The following GRIN2A variants were observed in gnomAD, a reference collection of about 807,000 sequenced individuals.
GRIN2A encodes glutamate ionotropic receptor NMDA type subunit 2A.
In GRIN2A, 22 loss-of-function variants were observed where a neutral mutation model predicts 113.4. That is an observed-to-expected ratio of 0.19 (90% confidence interval 0.14 to 0.28). The LOEUF (loss-of-function observed/expected upper bound fraction) is 0.28, where lower values mean the gene tolerates loss of function less well. Ranked by LOEUF, GRIN2A falls within the 10% of genes least tolerant of loss-of-function variation. The probability of loss-of-function intolerance (pLI) is 1.00; values close to 1 mark genes in which losing one functional copy is unlikely to be tolerated. For missense variants in GRIN2A, 1,502 were observed against 1,887.0 expected, an observed-to-expected ratio of 0.80 and a Z score of 3.78; for synonymous variants, 827 against 738.4, an observed-to-expected ratio of 1.12 and a Z score of -1.94.
At chr16:9,994,876 T>A (rs1162369241) in intron 2 of GRIN2A, among the ~76,000 whole-genome samples, 2 of 152,166 alleles carry the variant, frequency 1.3e-5, no homozygotes. Flanking sequence ...TGATGGTGAA[T>A]AAGCAAACAA....
intron 2 of GRIN2A, among the ~76,000 whole-genome samples, chr16:9,969,820 C>G (rs530747935): frequency 1.3e-4 from 20 of 152,342 alleles, no homozygotes; most frequent in South Asian, 2.1e-4. Flanking sequence ...TCCCTATTCA[C>G]AAATAATTAT....
chr16:9,990,559 G>GCACACACA (rs1374648465), intron 2 of GRIN2A, among the ~76,000 whole-genome samples: 5 of 94,644 alleles, frequency 5.3e-5, no homozygotes, highest in African/African-American at 1.7e-4. Context: ...GCGCGCGCGC[G>GCACACACA]CGCGCACACA....
intron 2 of GRIN2A, among the ~76,000 whole-genome samples, chr16:9,974,488 C>T (rs1274012195): frequency 2.0e-5 from 3 of 152,172 alleles, no homozygotes; most frequent in South Asian, 2.1e-4. Flanking sequence ...GACCCTCTCA[C>T]GTGGACCCCC....
At chr16:10,161,020 G>A (rs919983699) in intron 2 of GRIN2A, among the ~76,000 whole-genome samples, 1 of 152,208 alleles carries the variant, frequency 6.6e-6, no homozygotes, top group Non-Finnish European at 1.5e-5. Flanking sequence ...ACTTCCTAGA[G>A]CATTGCTTTT....
intron 2 of GRIN2A, among the ~76,000 whole-genome samples, chr16:9,950,083 G>T (rs1486873221): frequency 2.0e-5 from 3 of 152,142 alleles, no homozygotes; most frequent in Non-Finnish European, 2.9e-5. Flanking sequence ...CTTGTTACTT[G>T]CTCTCTAGGA....
intron 2 of GRIN2A, among the ~76,000 whole-genome samples, chr16:9,991,106 A>T (rs1476282470): frequency 6.6e-6 from 1 of 152,200 alleles, no homozygotes; most frequent in African/African-American, 2.4e-5. Flanking sequence ...TAATTCTAAG[A>T]TGCCGATGTC....
chr16:9,795,580 C>G (rs1902931229), intron 11 of GRIN2A, among the ~76,000 whole-genome samples: 2 of 152,182 alleles, frequency 1.3e-5, no homozygotes, highest in Non-Finnish European at 2.9e-5. Flanking sequence ...CTCTTGAGGT[C>G]TGCATTGGGA....
At chr16:9,944,943 G>C (rs116933821) in intron 2 of GRIN2A, among the ~76,000 whole-genome samples, 3 of 152,236 alleles carry the variant, frequency 2.0e-5, no homozygotes, top group Non-Finnish European at 4.4e-5. Context: ...TGAATCTAGG[G>C]AAGGAGGCTA....
chr16:10,126,430 G>C lies in GRIN2A; in HGVS notation c.414+53568C>G, dbSNP rs182125141. Among the ~76,000 whole-genome samples the C allele has an allele frequency of 1.4e-3, 217 of 152,202 alleles. 1 individual carries two copies. Among genetic ancestry groups the C allele is most frequent in the Admixed American group, 5.7e-3 (87 of 15,276 alleles). On this transcript the variant is annotated intron_variant, in intron 2 of 12. Transcript: ENST00000330684. ...AACACTCCTGCCACTGCCTCCCAAA[G>C]CACTAGAAATAGAGGCAAGAGCCAG...
At chr16:10,089,632 G>C (rs9925775) in intron 2 of GRIN2A, among the ~76,000 whole-genome samples, 3,999 of 152,244 alleles carry the variant, frequency 0.026, 164 homozygotes, top group African/African-American at 0.09. Flanking sequence ...GTTTCAGACA[G>C]AAGAGGCAAC....
intron 11 of GRIN2A, among the ~76,000 whole-genome samples, chr16:9,789,582 A>G (rs1423660066): frequency 6.6e-6 from 1 of 151,726 alleles, no homozygotes; most frequent in African/African-American, 2.4e-5. Flanking sequence ...ACACACACAC[A>G]CACACACAAA....
chr16:9,902,452 A>G (rs755512176), intron 3 of GRIN2A, among the ~76,000 whole-genome samples: 28 of 152,348 alleles, frequency 1.8e-4, no homozygotes, highest in Admixed American at 7.8e-4. Context: ...ACACTGTGGA[A>G]TACCACACCA....
intron 2 of GRIN2A, among the ~76,000 whole-genome samples, chr16:10,070,370 C>T (rs2047726641): frequency 6.6e-6 from 1 of 152,204 alleles, no homozygotes; most frequent in African/African-American, 2.4e-5. Flanking sequence ...TCTCAGGCTC[C>T]AGCCCAGACT....
At position 9,759,418 on chromosome 16, in the gene GRIN2A, A is replaced by G. The variant is rs1198457202; in HGVS notation, c.*3731T>C. ...GTCGACATAGCAAATAGAATAAACA[A>G]TGTGTGACTATATGACAGCTGTGGA... On this transcript the variant is annotated 3_prime_UTR_variant, in exon 13 of 13. Transcript: ENST00000330684. 4.4e-6 allele frequency: 1 copy of G among 225,138 alleles called. No individual in the cohort carries two copies. The highest frequency in any genetic ancestry group is 8.9e-6 in the Non-Finnish European group (1 of 112,874). 13.9% of individuals were successfully genotyped at this position (225,138 alleles called of 1,614,324 possible).
intron 2 of GRIN2A, among the ~76,000 whole-genome samples, chr16:10,078,166 T>C (rs2047911928): frequency 6.6e-6 from 1 of 152,202 alleles, no homozygotes; most frequent in South Asian, 2.1e-4. Flanking sequence ...GTAATAATAA[T>C]GACAACAACA....
intron 2 of GRIN2A, among the ~76,000 whole-genome samples, chr16:10,068,892 A>G (rs1344223445): frequency 2.6e-5 from 4 of 152,196 alleles, no homozygotes; most frequent in Non-Finnish European, 5.9e-5. Flanking sequence ...AGAGAACCAA[A>G]TACACAAAGA....
At chr16:10,021,632 A>G (rs1407765804) in intron 2 of GRIN2A, among the ~76,000 whole-genome samples, 1 of 152,180 alleles carries the variant, frequency 6.6e-6, no homozygotes, top group African/African-American at 2.4e-5. Context: ...GAGATGATGC[A>G]TAATGATGAG....
chr16:9,983,936 C>T (rs1387323092), intron 2 of GRIN2A, among the ~76,000 whole-genome samples: 1 of 152,172 alleles, frequency 6.6e-6, no homozygotes, highest in Non-Finnish European at 1.5e-5. Flanking sequence ...AATGGGGTTG[C>T]TGGATCATAC....
intron 11 of GRIN2A, among the ~76,000 whole-genome samples, chr16:9,783,402 A>G (rs759250807): frequency 6.6e-6 from 1 of 152,194 alleles, no homozygotes; most frequent in Non-Finnish European, 1.5e-5. Context: ...TATTTTTAAC[A>G]CTGTTATTAT....
Sources: gnomAD v4.1 joint callset for allele counts (sites outside exome capture counted in the v4.1 genomes callset) on GRCh38, gnomAD v4.1.1 for gene constraint, MANE v1.5 for transcripts, NCBI Gene and HGNC (gene_info 2026-07-23, HGNC 2026-07-21) for gene names.